TDRD7: variants seen among roughly 807,000 people sequenced by gnomAD.
TDRD7 encodes the protein tudor domain containing 7, also known as tudor domain-containing protein 7.
Under a neutral mutation model 109.8 loss-of-function variants are expected in TDRD7, and 47 were observed. That is an observed-to-expected ratio of 0.43 (90% CI 0.34 to 0.55). The LOEUF (loss-of-function observed/expected upper bound fraction) is 0.55, where lower values mean the gene tolerates loss of function less well. TDRD7 is among the 20% of genes least tolerant of loss of function. TDRD7 has a pLI of 0.03. For synonymous variants in TDRD7, 424 were observed against 457.3 expected, an observed-to-expected ratio of 0.93 and a Z score of 0.93; for missense variants, 1,164 against 1,319.2, an observed-to-expected ratio of 0.88 and a Z score of 1.82.
At chr9:97,420,884 G>GCCTTA (rs1827888307) in intron 1 of TDRD7, among the ~76,000 whole-genome samples, 11 of 152,202 alleles carry the variant, frequency 7.2e-5, no homozygotes, top group Admixed American at 7.2e-4. Flanking sequence ...TGTAATCCCA[G>GCCTTA]CATTTTGGAA....
At chr9:97,419,932 T>C (rs1237509728) in intron 1 of TDRD7, among the ~76,000 whole-genome samples, 1 of 152,208 alleles carries the variant, frequency 6.6e-6, no homozygotes, top group African/African-American at 2.4e-5. Context: ...TTAACTTATC[T>C]GAACCTTGGT....
intron 6 of TDRD7, among the ~76,000 whole-genome samples, chr9:97,449,806 A>G (rs966666317): frequency 6.6e-6 from 1 of 152,198 alleles, no homozygotes; most frequent in African/African-American, 2.4e-5. Flanking sequence ...TGAAGCTCTC[A>G]GTCAGTATTA....
At chr9:97,423,425 G>T (rs1827930967) in intron 1 of TDRD7, among the ~76,000 whole-genome samples, 1 of 150,150 alleles carries the variant, frequency 6.7e-6, no homozygotes. Context: ...GTTTCTAGGA[G>T]TTTATCAATT....
At position 97,432,123 on chromosome 9, in the gene TDRD7, G is replaced by C; in HGVS notation, c.448G>C (p.Val150Leu). The change falls in exon 4 of 17, where the codon GTT becomes CTT. Residue 150 changes from valine (V) to leucine (L), a missense_variant. Transcript: ENST00000355295. The stretch of plus-strand genomic sequence containing the variant: ...ACCGTTAAGAGACAAAGGAAACTCT[G>C]TTGGAGTTAAGCCTGATGCTGAAAT... ...PAPLRDKGNS[V>L]GVKPDAEMSP... The C allele has an allele frequency of 6.2e-7, 1 of 1,613,886 alleles. No homozygotes were observed. The highest frequency in any genetic ancestry group is 8.5e-7 in the Non-Finnish European group (1 of 1,179,810).
chr9:97,485,987 C>T (rs1483540764), intron 15 of TDRD7, among the ~76,000 whole-genome samples: 1 of 152,198 alleles, frequency 6.6e-6, no homozygotes, highest in Non-Finnish European at 1.5e-5. Flanking sequence ...TGAAAGCTGA[C>T]CTTTTTGTTT....
rs1829155898 is a variant in TDRD7 at position 97,483,352 on chromosome 9, G to A, written c.2915+1G>A. ...TGTATGCTGCAAAAGTGGAAAATAA[G>A]TAGGTCCTTGGACAAAGCATTTTAT... is the stretch of plus-strand genomic sequence containing the variant. On this transcript the variant is annotated splice_donor_variant, in intron 15 of 16. Transcript: ENST00000355295. LOFTEE classifies it high-confidence loss of function. 1.2e-6 allele frequency: 2 copies of A among 1,613,432 alleles called. No homozygotes were observed. Among genetic ancestry groups the A allele is most frequent in the Non-Finnish European group, 1.7e-6 (2 of 1,179,990 alleles).
chr9:97,478,331 G>A (rs1829058765), intron 12 of TDRD7, 108 bp from the exon 13 acceptor site: 6 of 1,212,688 alleles, frequency 4.9e-6, no homozygotes, highest in Non-Finnish European at 4.8e-6. Flanking sequence ...AACACTGATA[G>A]TCTGTTCCTT....
At chr9:97,493,980 TACAA>T (rs1829348778) in intron 16 of TDRD7, among the ~76,000 whole-genome samples, 27 of 152,228 alleles carry the variant, frequency 1.8e-4, no homozygotes, top group Admixed American at 1.8e-3. Context: ...ACACATGCTC[TACAA>T]ACAATTTGTG....
rs1828305695 is a variant in TDRD7 at position 97,441,597 on chromosome 9, A to G, written c.638-61A>G. 8 of 1,394,226 alleles carry G rather than the reference A, an allele frequency of 5.7e-6. No individual in the cohort carries two copies. In the Admixed American group the frequency reaches 7.7e-5, roughly 13 times the overall value. 86.4% of individuals were successfully genotyped at this position (1,394,226 alleles called of 1,614,324 possible). On this transcript the variant is annotated intron_variant, in intron 5 of 16. Coordinates refer to ENST00000355295, the MANE Select transcript of TDRD7 (RefSeq NM_014290.3). Reference sequence around the variant, plus strand: ...AAACCTGAAGATGCAAATATTAGGTAATGGGGATAATCTAAAATGTTAAGC... The same window carrying G: ...AAACCTGAAGATGCAAATATTAGGTGATGGGGATAATCTAAAATGTTAAGC...
intron 7 of TDRD7, 90 bp from the exon 8 acceptor site, chr9:97,464,752 G>A: frequency 7.2e-7 from 1 of 1,389,706 alleles, no homozygotes; most frequent in Non-Finnish European, 1.0e-6. Flanking sequence ...AAAGATGGCA[G>A]CAGGGAAAAA....
At chr9:97,467,906 C>T (rs1828845515) in intron 8 of TDRD7, among the ~76,000 whole-genome samples, 1 of 152,208 alleles carries the variant, frequency 6.6e-6, no homozygotes, top group Non-Finnish European at 1.5e-5. Flanking sequence ...TGACAGGACA[C>T]TGACCTGTTG....
chr9:97,490,001 C>T (rs149939353), intron 16 of TDRD7, among the ~76,000 whole-genome samples: 166 of 152,200 alleles, frequency 1.1e-3, no homozygotes, highest in African/African-American at 3.9e-3. Context: ...ACTTCACTTA[C>T]ATATAAGCAG....
intron 10 of TDRD7, 57 bp downstream of exon 10, chr9:97,472,552 C>T: frequency 7.4e-7 from 1 of 1,351,986 alleles, no homozygotes; most frequent in Admixed American, 1.7e-5. Flanking sequence ...AGAAAAATCA[C>T]CAGAATATTA....
chr9:97,478,728 A>G (rs563539742), intron 13 of TDRD7, 155 bp downstream of exon 13: 6 of 1,022,136 alleles, frequency 5.9e-6, no homozygotes, highest in Non-Finnish European at 9.0e-6. Context: ...GAAGTAAAAC[A>G]TTGCTGACTT....
At chr9:97,424,516 C>T (rs1000959131) in intron 1 of TDRD7, among the ~76,000 whole-genome samples, 16 of 152,222 alleles carry the variant, frequency 1.1e-4, no homozygotes, top group Non-Finnish European at 2.1e-4. Flanking sequence ...TTTGGTGCAC[C>T]TATGCTTAGG....
chr9:97,470,020 T>C (rs985220970), intron 8 of TDRD7, among the ~76,000 whole-genome samples: 1 of 152,206 alleles, frequency 6.6e-6, no homozygotes, highest in African/African-American at 2.4e-5. Flanking sequence ...ATTGTTGTCA[T>C]TGATGAAGCA....
At chr9:97,476,621 T>C (rs951283387) in intron 12 of TDRD7, among the ~76,000 whole-genome samples, 1 of 151,700 alleles carries the variant, frequency 6.6e-6, no homozygotes, top group Non-Finnish European at 1.5e-5. Context: ...GCTTGATTTT[T>C]TTTTTCTTTT....
rs1829251198 is a variant in TDRD7, at chr9:97,488,570, T to TG, written c.3076+1238_3076+1239insG. 1.3e-5 allele frequency among the ~76,000 whole-genome samples: 2 copies of TG among 151,700 alleles called. 1 individual carries two copies. The highest frequency in any genetic ancestry group is 4.8e-5 in the African/African-American group (2 of 41,310). On this transcript the variant is annotated intron_variant, in intron 16 of 16. Coordinates refer to ENST00000355295, the MANE Select transcript of TDRD7 (RefSeq NM_014290.3). ...TCTTCAGATTTAATGGTTTTTTTTT[T>TG]TTTTTTTTTGTTTTCACTTTCTAAT...
intron 1 of TDRD7, among the ~76,000 whole-genome samples, chr9:97,414,300 A>G (rs1397765303): frequency 1.3e-5 from 2 of 152,258 alleles, no homozygotes; most frequent in Admixed American, 1.3e-4. Flanking sequence ...ACATGTATAT[A>G]TGCCAATCAG....
Sources: allele counts gnomAD v4.1 joint callset (sites outside exome capture counted in the v4.1 genomes callset), GRCh38; gene constraint gnomAD v4.1.1; transcripts MANE v1.5; gene names NCBI Gene and HGNC (gene_info 2026-07-23, HGNC 2026-07-21).